The following ZNF736 variants were observed in gnomAD, a reference collection of about 807,000 sequenced individuals.
The protein encoded by ZNF736 is zinc finger protein 736, also known as KRAB-containing zinc-finger repressor protein.
Under a neutral mutation model 11.7 loss-of-function variants are expected in ZNF736, and 6 were observed. The ratio of observed to expected loss-of-function variants is 0.51; its 90% CI spans 0.28 to 1.01. The LOEUF (loss-of-function observed/expected upper bound fraction) is 1.01, where lower values mean the gene tolerates loss of function less well. ZNF736 is among the 50% of genes least tolerant of loss of function. ZNF736 has a pLI of 0.09. For missense variants in ZNF736, 444 were observed against 496.0 expected (o/e 0.90, Z 1.00); for synonymous variants, 139 against 164.7 (o/e 0.84, Z 1.19).
rs974850825 is a variant in ZNF736 at position 64,336,524 on chromosome 7, A to G, written c.130+139A>G. 1.6e-5 allele frequency: 14 copies of G among 882,814 alleles called. No homozygotes were observed. In the African/African-American group the frequency reaches 2.2e-4, roughly 14 times the overall value. 54.7% of individuals were successfully genotyped at this position (882,814 alleles called of 1,614,324 possible). On this transcript the variant is annotated intron_variant, in intron 2 of 3. Coordinates refer to ENST00000423484, the MANE Select transcript of ZNF736 (RefSeq NM_001170905.3). ...GAAAAAATTGGGTATCTGTTGAGGT[A>G]GAAAATATAATCTTCAAGATGTTTC... is the stretch of plus-strand genomic sequence containing the variant.
intron 3 of ZNF736, among the ~76,000 whole-genome samples, chr7:64,339,664 A>G (rs1428727386): frequency 7.3e-6 from 1 of 136,136 alleles, no homozygotes; most frequent in East Asian, 1.9e-4. Context: ...TTATGCACAC[A>G]TCATCCTGTT....
chr7:64,313,966 C>T lies in ZNF736; in HGVS notation c.-185C>T, dbSNP rs1788873003. The T allele has an allele frequency of 5.4e-6, 4 of 744,906 alleles. No individual in the cohort carries two copies. Among genetic ancestry groups the T allele is most frequent in the Non-Finnish European group, 8.9e-6 (4 of 447,812 alleles). The allele number at this position is 744,906 out of a possible 1,614,324, so 46.1% of individuals were successfully genotyped here. ...GCGCAGCTACAGAGGAAGAGGCGGC[C>T]TCTTCAATATGGCGGGGCCTTTGTC... On this transcript the variant is annotated 5_prime_UTR_variant, in exon 1 of 4. Coordinates refer to ENST00000423484, the MANE Select transcript of ZNF736 (RefSeq NM_001170905.3).
intron 1 of ZNF736, among the ~76,000 whole-genome samples, chr7:64,330,088 T>G (rs550504238): frequency 1.0e-3 from 156 of 152,214 alleles, no homozygotes; most frequent in African/African-American, 3.5e-3. Context: ...ACTGAAGACC[T>G]AAGTGGTCTT....
Position 64,348,479 on chromosome 7 carries a change from T to G in ZNF736, c.616T>G (p.Cys206Gly). ...TVERCYKCEE[C>G]GKAFKKFSNL... The stretch of plus-strand genomic sequence containing the variant: ...AGAGAGATGCTACAAATGTGAAGAA[T>G]GTGGCAAAGCGTTTAAAAAGTTTTC... The change falls in exon 4 of 4, where the codon TGT becomes GGT. Residue 206 changes from cysteine (C) to glycine (G), a missense_variant. Coordinates refer to ENST00000423484, the MANE Select transcript of ZNF736 (RefSeq NM_001170905.3). 6.4e-7 allele frequency: 1 copy of G among 1,555,078 alleles called. No homozygotes were observed.
At chr7:64,316,592 C>G (rs1788920846) in intron 1 of ZNF736, among the ~76,000 whole-genome samples, 1 of 152,198 alleles carries the variant, frequency 6.6e-6, no homozygotes, top group Non-Finnish European at 1.5e-5. Flanking sequence ...GAGAATCTCT[C>G]AAGTGATTGA....
At chr7:64,323,698 A>G (rs1266536182) in intron 1 of ZNF736, among the ~76,000 whole-genome samples, 1 of 152,134 alleles carries the variant, frequency 6.6e-6, no homozygotes, top group Non-Finnish European at 1.5e-5. Flanking sequence ...GATGAGATAC[A>G]TGGACACCTT....
At chr7:64,319,043 A>G (rs1213893141) in intron 1 of ZNF736, among the ~76,000 whole-genome samples, 5 of 152,128 alleles carry the variant, frequency 3.3e-5, no homozygotes, top group Admixed American at 6.5e-5. Flanking sequence ...CATGAGACAG[A>G]TAGAAGTAAA....
At chr7:64,328,934 T>TA (rs1489540513) in intron 1 of ZNF736, among the ~76,000 whole-genome samples, 2 of 143,052 alleles carry the variant, frequency 1.4e-5, no homozygotes, top group Non-Finnish European at 3.0e-5. Context: ...CCATATTTCT[T>TA]AGAGTTGCCC....
chr7:64,318,450 TAAC>T (rs1788947072), intron 1 of ZNF736, among the ~76,000 whole-genome samples: 1 of 152,006 alleles, frequency 6.6e-6, no homozygotes, highest in East Asian at 1.9e-4. Context: ...TATTTATTCT[TAAC>T]AATTATTTTT....
At position 64,349,272 on chromosome 7, in the gene ZNF736, AACTT is replaced by A. The variant is rs1275550318; in HGVS notation, c.*130_*133del. On this transcript the variant is annotated 3_prime_UTR_variant, in exon 4 of 4. Transcript: ENST00000423484. ...TTTATCATCTTAGAGGGTCTCTAAG[AACTT>A]ACTTTATAATCTGGTTGCTTATATG... 17 of 886,770 alleles carry A rather than the reference AACTT, an allele frequency of 1.9e-5. No individual in the cohort carries two copies. Among genetic ancestry groups the A allele is most frequent in the Admixed American group, 3.1e-5 (1 of 31,890 alleles). 54.9% of individuals were successfully genotyped at this position (886,770 alleles called of 1,614,324 possible). A position where few individuals can be genotyped will look rare whatever the true frequency, so the allele number is the denominator to read the frequency against.
rs2115990655 is a variant in ZNF736, at chr7:64,354,171, T to A, written c.*5024T>A. The A allele has an allele frequency of 6.6e-6, 1 of 152,352 alleles. No individual in the cohort carries two copies. The highest frequency in any genetic ancestry group is 2.4e-5 in the African/African-American group (1 of 41,594). The allele number at this position is 152,352 out of a possible 1,614,324, so 9.4% of individuals were successfully genotyped here. ...GATTATGAGTATAATTGGAGCTATA[T>A]GTTTCTGAATTCTGAACAACTATTT... On this transcript the variant is annotated 3_prime_UTR_variant, in exon 4 of 4. Transcript: ENST00000423484.
At chr7:64,339,527 T>G (rs1789307282) in intron 3 of ZNF736, among the ~76,000 whole-genome samples, 1 of 152,168 alleles carries the variant, frequency 6.6e-6, no homozygotes, top group African/African-American at 2.4e-5. Context: ...CAGCCCCAAG[T>G]GTGGAAGAGA....
chr7:64,317,431 A>G (rs898218557), intron 1 of ZNF736, among the ~76,000 whole-genome samples: 9 of 152,198 alleles, frequency 5.9e-5, no homozygotes, highest in African/African-American at 2.2e-4. Flanking sequence ...TAGAATCTTA[A>G]TCTAAAACAG....
rs2618251 is a variant in ZNF736 at position 64,345,172 on chromosome 7, C to T, written c.227-2918C>T. Among the ~76,000 whole-genome samples the T allele has an allele frequency of 5.6e-3, 852 of 151,340 alleles. 4 individuals are homozygous for T. The highest frequency in any genetic ancestry group is 0.027 in the Middle Eastern group (8 of 294). ...CAGAGTAGCTGGGGCTATAGTTGCT[C>T]GCCACCGCGCCTGGCTAATTTTTTT... is the stretch of plus-strand genomic sequence containing the variant. On this transcript the variant is annotated intron_variant, in intron 3 of 3. Coordinates refer to ENST00000423484, the MANE Select transcript of ZNF736 (RefSeq NM_001170905.3).
At chr7:64,333,994 T>G (rs969526906) in intron 1 of ZNF736, among the ~76,000 whole-genome samples, 1 of 152,048 alleles carries the variant, frequency 6.6e-6, no homozygotes, top group Admixed American at 6.5e-5. Context: ...ACACCACACA[T>G]ATACAACCAT....
rs1789202788 is a variant in ZNF736, at chr7:64,333,493, G to A, written c.4-2766G>A. On this transcript the variant is annotated intron_variant, in intron 1 of 3. Transcript: ENST00000423484. ...GGTTATCAGTGAAGAAGGAGACCAT[G>A]TACTGTTTAGCTTCCATTAAATCTA... Among the ~76,000 whole-genome samples the A allele has an allele frequency of 2.0e-5, 3 of 152,272 alleles. No individual in the cohort carries two copies. The South Asian group carries it at 6.2e-4, about 32-fold the overall frequency.
intron 1 of ZNF736, among the ~76,000 whole-genome samples, chr7:64,331,223 C>T (rs753908203): frequency 6.6e-6 from 1 of 152,156 alleles, no homozygotes; most frequent in Non-Finnish European, 1.5e-5. Flanking sequence ...ACCTGAAACT[C>T]AGGTTTTGAT....
At chr7:64,344,738 A>G (rs568575807) in intron 3 of ZNF736, among the ~76,000 whole-genome samples, 1 of 152,234 alleles carries the variant, frequency 6.6e-6, no homozygotes, top group African/African-American at 2.4e-5. Context: ...TTTGTGGATA[A>G]TGCTTCAATA....
At chr7:64,336,807 C>G in intron 2 of ZNF736, 80 bp from the exon 3 acceptor site, 2 of 1,123,826 alleles carry the variant, frequency 1.8e-6, no homozygotes, top group Non-Finnish European at 2.6e-6. Flanking sequence ...ATAATGTTCT[C>G]TCTTCTCTAC....
Sources: gnomAD v4.1 joint callset for allele counts (sites outside exome capture counted in the v4.1 genomes callset) on GRCh38, gnomAD v4.1.1 for gene constraint, MANE v1.5 for transcripts, NCBI Gene and HGNC (gene_info 2026-07-23, HGNC 2026-07-21) for gene names.